The following FAM53B variants were observed in gnomAD, a reference collection of about 807,000 sequenced individuals.
The protein encoded by FAM53B is protein FAM53B.
Under a neutral mutation model 32.7 loss-of-function variants are expected in FAM53B, and 12 were observed. The ratio of observed to expected loss-of-function variants is 0.37; its 90% CI spans 0.24 to 0.59. FAM53B has a LOEUF of 0.59. FAM53B is among the 20% of genes least tolerant of loss of function. FAM53B has a pLI of 0.72. For missense variants in FAM53B, 477 were observed against 577.7 expected, an observed-to-expected ratio of 0.83 and a Z score of 1.79; for synonymous variants, 234 against 228.7, an observed-to-expected ratio of 1.02 and a Z score of -0.21.
rs114573439 is a variant in FAM53B at position 124,623,878 on chromosome 10, G to A, written c.907-274C>T. On this transcript the variant is annotated intron_variant, in intron 4 of 4. Transcript: ENST00000337318. ...ACAAATTTGATGCAGACCCAGTTCT[G>A]GGGGGCTGCGGTGAAACAGGAATGC... 1,171 of 435,452 alleles carry A rather than the reference G, an allele frequency of 2.7e-3. 14 individuals are homozygous for A. Among genetic ancestry groups the A allele is most frequent in the African/African-American group, 0.021 (1,019 of 48,776 alleles). The allele number at this position is 435,452 out of a possible 1,614,324, so 27.0% of individuals were successfully genotyped here.
chr10:124,700,870 G>A (rs1044071413), intron 2 of FAM53B, among the ~76,000 whole-genome samples: 7 of 152,222 alleles, frequency 4.6e-5, no homozygotes, highest in African/African-American at 1.7e-4. Context: ...ATGCCCTGCG[G>A]GGGAACGAGT....
At chr10:124,735,696 G>A (rs1385723134) in intron 1 of FAM53B, among the ~76,000 whole-genome samples, 1 of 152,210 alleles carries the variant, frequency 6.6e-6, no homozygotes, top group African/African-American at 2.4e-5. Flanking sequence ...GCTTGCCACA[G>A]GCTGCGTGAG....
At chr10:124,731,811 T>C (rs1463309377) in intron 1 of FAM53B, among the ~76,000 whole-genome samples, 1 of 152,090 alleles carries the variant, frequency 6.6e-6, no homozygotes, top group Non-Finnish European at 1.5e-5. Flanking sequence ...GTAAAATGCT[T>C]CCCCGACCTT....
intron 4 of FAM53B, among the ~76,000 whole-genome samples, chr10:124,650,157 G>C (rs1370735418): frequency 6.6e-6 from 1 of 152,222 alleles, no homozygotes; most frequent in Non-Finnish European, 1.5e-5. Context: ...ATATAATTAA[G>C]TATAGGATAA....
chr10:124,731,791 C>T (rs1253546074), intron 1 of FAM53B, among the ~76,000 whole-genome samples: 1 of 152,116 alleles, frequency 6.6e-6, no homozygotes, highest in Non-Finnish European at 1.5e-5. Context: ...CCCGCATCAC[C>T]TCCAAAACTG....
intron 4 of FAM53B, among the ~76,000 whole-genome samples, chr10:124,631,615 C>T (rs905739952): frequency 2.0e-5 from 3 of 152,184 alleles, no homozygotes; most frequent in Non-Finnish European, 4.4e-5. Flanking sequence ...GGCCAGAGCC[C>T]GGCCACCACT....
chr10:124,738,035 G>A (rs1223164650), intron 1 of FAM53B, among the ~76,000 whole-genome samples: 3 of 152,104 alleles, frequency 2.0e-5, no homozygotes, highest in Non-Finnish European at 2.9e-5. Flanking sequence ...AAATGACCTC[G>A]ATGATGCCCA....
At chr10:124,659,927 C>T (rs1949618311) in intron 4 of FAM53B, among the ~76,000 whole-genome samples, 1 of 152,260 alleles carries the variant, frequency 6.6e-6, no homozygotes, top group African/African-American at 2.4e-5. Context: ...CCGCCTCAGC[C>T]TCCCGAGTAG....
chr10:124,710,625 G>A (rs1184792539), intron 1 of FAM53B, among the ~76,000 whole-genome samples: 6 of 152,320 alleles, frequency 3.9e-5, no homozygotes, highest in Admixed American at 6.5e-5. Context: ...CCCACAGGGC[G>A]CGAGGTGGAA....
intron 4 of FAM53B, among the ~76,000 whole-genome samples, chr10:124,663,003 C>G (rs192781295): frequency 1.3e-5 from 2 of 152,358 alleles, no homozygotes; most frequent in African/African-American, 4.8e-5. Context: ...GGGTCTCACA[C>G]AGAGCAGGAA....
At chr10:124,706,498 C>G in intron 2 of FAM53B, 138 bp downstream of exon 2, 3 of 1,013,402 alleles carry the variant, frequency 3.0e-6, no homozygotes, top group Non-Finnish European at 4.5e-6. Flanking sequence ...GTTGCCCCAG[C>G]CCGGGACGCC....
At chr10:124,657,790 C>T (rs1418719462) in intron 4 of FAM53B, among the ~76,000 whole-genome samples, 1 of 152,200 alleles carries the variant, frequency 6.6e-6, no homozygotes, top group Non-Finnish European at 1.5e-5. Context: ...CTAACTCCCT[C>T]TTTTCATGCC....
chr10:124,636,781 G>T (rs563054464), intron 4 of FAM53B, among the ~76,000 whole-genome samples: 6 of 151,908 alleles, frequency 3.9e-5, no homozygotes, highest in Non-Finnish European at 7.4e-5. Flanking sequence ...CTCGGTGGCC[G>T]CAGGACACAC....
chr10:124,731,136 T>C (rs1036705116), intron 1 of FAM53B, among the ~76,000 whole-genome samples: 9 of 152,196 alleles, frequency 5.9e-5, no homozygotes, highest in African/African-American at 2.2e-4. Flanking sequence ...ATATTCTTCA[T>C]CTATAAAAAG....
At chr10:124,637,452 C>G (rs780054936) in intron 4 of FAM53B, among the ~76,000 whole-genome samples, 9 of 152,164 alleles carry the variant, frequency 5.9e-5, no homozygotes, top group African/African-American at 2.2e-4. Context: ...GCCACTGCAC[C>G]GAGACTAGCT....
intron 4 of FAM53B, among the ~76,000 whole-genome samples, chr10:124,633,987 C>T (rs560927780): frequency 2.3e-4 from 35 of 152,324 alleles, no homozygotes; most frequent in South Asian, 1.7e-3. Flanking sequence ...ATGGTACAGT[C>T]GTTGCGGAGA....
Position 124,623,469 on chromosome 10 carries a change from T to G in FAM53B, c.1042A>C (p.Arg348=). The change falls in exon 5 of 5, where the codon AGG becomes CGG. Residue 348 remains arginine, a synonymous_variant. Coordinates refer to ENST00000337318, the MANE Select transcript of FAM53B (RefSeq NM_014661.4). The stretch of plus-strand genomic sequence containing the variant: ...GGGACCGGGGTCCCAGCGGGGGTCC[T>G]GCCCCCTGGGCCGGAGGCTGAGAGC... ...ALLSASGPGG[R]TPAGTPVPEP... is the part of the protein sequence containing the mutation. 1 of 1,587,380 alleles carries G rather than the reference T, an allele frequency of 6.3e-7. No individual in the cohort carries two copies. Among genetic ancestry groups the G allele is most frequent in the Non-Finnish European group, 8.6e-7 (1 of 1,167,914 alleles).
chr10:124,627,223 C>T (rs1949361487), intron 4 of FAM53B, among the ~76,000 whole-genome samples: 2 of 152,298 alleles, frequency 1.3e-5, no homozygotes, highest in Middle Eastern at 6.8e-3. Context: ...CCCCATCCCT[C>T]GTGAGCAACC....
chr10:124,628,795 G>A (rs1375185805), intron 4 of FAM53B, among the ~76,000 whole-genome samples: 2 of 152,220 alleles, frequency 1.3e-5, no homozygotes, highest in Non-Finnish European at 2.9e-5. Flanking sequence ...GCAGGGACAG[G>A]AGCTGTCCCT....
Sources: allele counts gnomAD v4.1 joint callset (sites outside exome capture counted in the v4.1 genomes callset), GRCh38; gene constraint gnomAD v4.1.1; transcripts MANE v1.5; gene names NCBI Gene and HGNC (gene_info 2026-07-23, HGNC 2026-07-21).